The following FBXO11 variants were observed in gnomAD, a reference collection of about 807,000 sequenced individuals.
FBXO11 encodes F-box only protein 11.
Under a neutral mutation model 117.0 loss-of-function variants are expected in FBXO11, and 13 were observed. The observed-to-expected ratio is 0.11, with a 90% CI of 0.07 to 0.18. The LOEUF (loss-of-function observed/expected upper bound fraction) is 0.18, where lower values mean the gene tolerates loss of function less well. FBXO11 is among the 10% of genes least tolerant of loss of function. The pLI is 1.00. For synonymous variants in FBXO11, 490 were observed against 380.5 expected, an observed-to-expected ratio of 1.29 and a Z score of -3.35; for missense variants, 767 against 1,164.4, an observed-to-expected ratio of 0.66 and a Z score of 4.97.
chr2:47,815,211 C>T (rs549205001), intron 16 of FBXO11, among the ~76,000 whole-genome samples: 8 of 152,220 alleles, frequency 5.3e-5, no homozygotes, highest in East Asian at 1.9e-4. Context: ...TGAACATCCA[C>T]GCAGAAATGT....
chr2:47,814,580 T>C (rs1403430896), intron 16 of FBXO11, among the ~76,000 whole-genome samples: 1 of 152,102 alleles, frequency 6.6e-6, no homozygotes, highest in Non-Finnish European at 1.5e-5. Context: ...AGTTTTGCCA[T>C]GTTGCCCAGG....
At chr2:47,902,564 C>A (rs1678377074) in intron 1 of FBXO11, among the ~76,000 whole-genome samples, 2 of 151,862 alleles carry the variant, frequency 1.3e-5, no homozygotes, top group African/African-American at 2.4e-5. Flanking sequence ...CACAAATATA[C>A]CCACATACAC....
At chr2:47,880,084 C>T (rs1676327104) in intron 1 of FBXO11, among the ~76,000 whole-genome samples, 1 of 152,036 alleles carries the variant, frequency 6.6e-6, no homozygotes, top group Non-Finnish European at 1.5e-5. Context: ...CAGCCTCCAC[C>T]TTCCAGGCTC....
At chr2:47,892,771 C>G (rs930317836) in intron 1 of FBXO11, among the ~76,000 whole-genome samples, 1 of 151,950 alleles carries the variant, frequency 6.6e-6, no homozygotes. Context: ...ATGTAACAGC[C>G]AAAACAATGA....
chr2:47,898,334 A>G (rs1677833662), intron 1 of FBXO11, among the ~76,000 whole-genome samples: 1 of 152,222 alleles, frequency 6.6e-6, no homozygotes, highest in South Asian at 2.1e-4. Flanking sequence ...CTAACCAAAC[A>G]TATATAAAAA....
At chr2:47,823,472 A>G (rs1195707319) in intron 11 of FBXO11, 112 bp from the exon 12 acceptor site, 8 of 855,674 alleles carry the variant, frequency 9.3e-6, no homozygotes, top group Non-Finnish European at 1.4e-5. Context: ...GAAACATTTA[A>G]GGCTGGGCGT....
At chr2:47,884,569 T>C (rs764999548) in intron 1 of FBXO11, among the ~76,000 whole-genome samples, 2 of 152,242 alleles carry the variant, frequency 1.3e-5, no homozygotes, top group African/African-American at 4.8e-5. Context: ...GATTTATGCA[T>C]CTACATTCAT....
intron 4 of FBXO11, 96 bp from the exon 5 acceptor site, chr2:47,836,097 C>G: frequency 1.2e-6 from 1 of 834,284 alleles, no homozygotes. Flanking sequence ...GCCTCAAAAA[C>G]TTGAGTAAGA....
At chr2:47,869,245 C>T (rs1038370435) in intron 1 of FBXO11, among the ~76,000 whole-genome samples, 12 of 152,316 alleles carry the variant, frequency 7.9e-5, no homozygotes, top group African/African-American at 2.6e-4. Context: ...TTATGCTCTG[C>T]TGGCCTAAAA....
chr2:47,818,721 C>A (rs1671178612), intron 16 of FBXO11, 58 bp downstream of exon 16: 1 of 1,202,322 alleles, frequency 8.3e-7, no homozygotes, highest in Non-Finnish European at 1.2e-6. Context: ...ATTTCTTTTA[C>A]ACACCCCACA....
chr2:47,827,582 T>C (rs1252911704), intron 11 of FBXO11, among the ~76,000 whole-genome samples: 1 of 152,150 alleles, frequency 6.6e-6, no homozygotes, highest in African/African-American at 2.4e-5. Context: ...GCTGGGATTA[T>C]AGGCATGAGC....
At chr2:47,850,542 C>A (rs1673780140) in intron 1 of FBXO11, among the ~76,000 whole-genome samples, 1 of 152,080 alleles carries the variant, frequency 6.6e-6, no homozygotes, top group Non-Finnish European at 1.5e-5. Context: ...GAGAGGCAGC[C>A]ATATGATGTA....
chr2:47,906,481 C>G lies in FBXO11; in HGVS notation c.-761G>C, dbSNP rs1368637641. On this transcript the variant is annotated 5_prime_UTR_variant, in exon 1 of 23. Coordinates refer to ENST00000403359, the MANE Select transcript of FBXO11 (RefSeq NM_001190274.2). Reference sequence around the variant, plus strand: ...TGGCAGGAGGAGCCATTGACACCGCCGGAGCCTCCACTCGCCCAGTCGGTC... The same window carrying G: ...TGGCAGGAGGAGCCATTGACACCGCGGGAGCCTCCACTCGCCCAGTCGGTC... Among the ~76,000 whole-genome samples the G allele has an allele frequency of 6.6e-6, 1 of 151,486 alleles. No homozygotes were observed. The highest frequency in any genetic ancestry group is 1.5e-5 in the Non-Finnish European group (1 of 67,852).
At chr2:47,866,817 G>A (rs1451887018) in intron 1 of FBXO11, among the ~76,000 whole-genome samples, 1 of 152,074 alleles carries the variant, frequency 6.6e-6, no homozygotes, top group Non-Finnish European at 1.5e-5. Context: ...ATGTCACTTT[G>A]AGAAAAAATA....
At position 47,806,920 on chromosome 2, in the gene FBXO11, TTATGATCTAA is replaced by T; in HGVS notation, c.*1188_*1197del. On this transcript the variant is annotated 3_prime_UTR_variant, in exon 23 of 23. Transcript: ENST00000403359. ...ACAAAGGTGGTAAATTCAGACAACATTATGATCTAATAAACTTTATTTTTTAAAAATGACC... is the reference window on the plus strand; with the variant it reads ...ACAAAGGTGGTAAATTCAGACAACATTAAACTTTATTTTTTAAAAATGACC... The T allele has an allele frequency of 1.6e-6, 2 of 1,216,068 alleles. No homozygotes were observed. Among genetic ancestry groups the T allele is most frequent in the East Asian group, 2.3e-5 (1 of 42,986 alleles). 75.3% of individuals were successfully genotyped at this position (1,216,068 alleles called of 1,614,324 possible). A position where few individuals can be genotyped will look rare whatever the true frequency, so the allele number is the denominator to read the frequency against.
chr2:47,841,687 C>A (rs977676481), intron 1 of FBXO11, among the ~76,000 whole-genome samples: 3 of 152,152 alleles, frequency 2.0e-5, no homozygotes, highest in African/African-American at 7.2e-5. Flanking sequence ...TGTCGCCAGG[C>A]TGGAGTGCAG....
chr2:47,900,222 TCTTTTTACAGCTCCCATA>T (rs1678002214), intron 1 of FBXO11, among the ~76,000 whole-genome samples: 1 of 151,868 alleles, frequency 6.6e-6, no homozygotes. Flanking sequence ...GAAAATAGGC[TCTTTTTACAGCTCCCATA>T]CTTCCTGCCT....
chr2:47,874,861 T>C (rs1050108525), intron 1 of FBXO11, among the ~76,000 whole-genome samples: 23 of 142,574 alleles, frequency 1.6e-4, no homozygotes, highest in Admixed American at 1.3e-3. Flanking sequence ...AAACATTGTC[T>C]CAGGACTTTT....
intron 1 of FBXO11, among the ~76,000 whole-genome samples, chr2:47,886,853 A>G (rs72811516): frequency 4.6e-5 from 7 of 152,268 alleles, no homozygotes; most frequent in Non-Finnish European, 1.0e-4. Context: ...GTGCAACACA[A>G]TGAGACCCCT....
Sources: gnomAD v4.1 joint callset for allele counts (sites outside exome capture counted in the v4.1 genomes callset) on GRCh38, gnomAD v4.1.1 for gene constraint, MANE v1.5 for transcripts, NCBI Gene and HGNC (gene_info 2026-07-23, HGNC 2026-07-21) for gene names.